The following MACROD2 variants were observed in gnomAD, a reference collection of about 807,000 sequenced individuals.
MACROD2 encodes ADP-ribose glycohydrolase MACROD2.
MACROD2 carries 36 observed loss-of-function variants against 70.4 expected under a neutral mutation model. The ratio of observed to expected loss-of-function variants is 0.51; its 90% CI spans 0.39 to 0.68. The LOEUF (loss-of-function observed/expected upper bound fraction) is 0.68. Among genes scored for constraint, MACROD2 ranks in the 30% least tolerant of loss-of-function variants. MACROD2 has a pLI of 0.00. For synonymous variants in MACROD2, 172 were observed against 178.8 expected (o/e 0.96, Z 0.30); for missense variants, 496 against 538.4 (o/e 0.92, Z 0.78).
intron 7 of MACROD2, among the ~76,000 whole-genome samples, chr20:15,436,225 G>A (rs563324246): frequency 1.9e-4 from 29 of 151,972 alleles, no homozygotes; most frequent in African/African-American, 6.8e-4. Context: ...CTGAGACTCC[G>A]TAATTCACAA....
intron 5 of MACROD2, among the ~76,000 whole-genome samples, chr20:14,806,129 G>T (rs2072635696): frequency 6.6e-6 from 1 of 152,138 alleles, no homozygotes; most frequent in East Asian, 1.9e-4. Context: ...GTACGTCTTT[G>T]GATAAATGTG....
intron 5 of MACROD2, among the ~76,000 whole-genome samples, chr20:14,999,172 T>C (rs2074973744): frequency 6.6e-6 from 1 of 152,172 alleles, no homozygotes; most frequent in African/African-American, 2.4e-5. Context: ...AGGACATTAA[T>C]AAGCAATAGG....
Position 15,431,439 on chromosome 20 carries a change from A to C in MACROD2, c.571+4A>C, listed in dbSNP as rs2046362281. On this transcript the variant is annotated splice_donor_region_variant and intron_variant, in intron 7 of 17. Coordinates refer to ENST00000684519, the MANE Select transcript of MACROD2 (RefSeq NM_001351661.2). ...TGCATCTCAACAGGCATTTATGGTA[A>C]GTGATACAGCTTTTGATGATGTTTG... 6.2e-7 allele frequency: 1 copy of C among 1,610,406 alleles called. No homozygotes were observed. Among genetic ancestry groups the C allele is most frequent in the African/African-American group, 1.3e-5 (1 of 74,802 alleles).
At chr20:15,137,202 T>C (rs1403485016) in intron 5 of MACROD2, among the ~76,000 whole-genome samples, 1 of 150,454 alleles carries the variant, frequency 6.6e-6, no homozygotes, top group Non-Finnish European at 1.5e-5. Flanking sequence ...AGCCATCCCA[T>C]TACTGGGTAT....
At chr20:15,627,013 A>G (rs966853912) in intron 8 of MACROD2, among the ~76,000 whole-genome samples, 5 of 152,198 alleles carry the variant, frequency 3.3e-5, no homozygotes, top group African/African-American at 9.7e-5. Flanking sequence ...AGAAACAAGG[A>G]AACACAGAAT....
chr20:15,520,712 G>A (rs1053077394), intron 8 of MACROD2, among the ~76,000 whole-genome samples: 1 of 152,142 alleles, frequency 6.6e-6, no homozygotes, highest in Non-Finnish European at 1.5e-5. Flanking sequence ...AGAGTCAGAC[G>A]GGCCCCTGAT....
chr20:15,868,570 G>A (rs1005889618), intron 9 of MACROD2, among the ~76,000 whole-genome samples: 86 of 149,554 alleles, frequency 5.8e-4, no homozygotes, highest in Admixed American at 4.9e-3. Flanking sequence ...TATACCTTAA[G>A]CAAGTTTCAT....
At chr20:14,810,362 A>C (rs2072694176) in intron 5 of MACROD2, among the ~76,000 whole-genome samples, 1 of 152,124 alleles carries the variant, frequency 6.6e-6, no homozygotes, top group African/African-American at 2.4e-5. Flanking sequence ...CAATAGATAC[A>C]GGAAAAGCCT....
intron 2 of MACROD2, among the ~76,000 whole-genome samples, chr20:14,014,696 T>G (rs1374620664): frequency 6.6e-6 from 1 of 152,338 alleles, no homozygotes; most frequent in Non-Finnish European, 1.5e-5. Flanking sequence ...CTTTTCTGTG[T>G]TCACTTATCA....
At chr20:15,470,809 C>A (rs567472576) in intron 7 of MACROD2, among the ~76,000 whole-genome samples, 1 of 152,280 alleles carries the variant, frequency 6.6e-6, no homozygotes, top group Admixed American at 6.5e-5. Context: ...CCAGACCTTG[C>A]CTTACCTACA....
chr20:14,969,361 TAC>T (rs3045701), intron 5 of MACROD2, among the ~76,000 whole-genome samples: 28,028 of 137,916 alleles, frequency 0.2, 2,684 homozygotes, highest in Middle Eastern at 0.26. Context: ...TAAATGCTTT[TAC>T]ACACACACAC....
intron 7 of MACROD2, among the ~76,000 whole-genome samples, chr20:15,463,462 C>T (rs911030475): frequency 6.6e-6 from 1 of 152,106 alleles, no homozygotes; most frequent in Non-Finnish European, 1.5e-5. Context: ...TTAAAATATA[C>T]TTTTAGGCCA....
chr20:14,608,802 G>T (rs1004070150), intron 4 of MACROD2, among the ~76,000 whole-genome samples: 1 of 152,148 alleles, frequency 6.6e-6, no homozygotes, highest in Non-Finnish European at 1.5e-5. Flanking sequence ...GGGACTGGAG[G>T]ATAGGTAGGT....
At chr20:14,497,783 A>G (rs1208857865) in intron 4 of MACROD2, among the ~76,000 whole-genome samples, 2 of 151,846 alleles carry the variant, frequency 1.3e-5, no homozygotes, top group Non-Finnish European at 2.9e-5. Context: ...AAATATATAT[A>G]TTTGCATCAA....
intron 5 of MACROD2, among the ~76,000 whole-genome samples, chr20:15,181,738 G>A (rs559312051): frequency 5.3e-5 from 8 of 152,256 alleles, no homozygotes; most frequent in Non-Finnish European, 1.0e-4. Context: ...TCAAGTCTGA[G>A]AAACATTCCT....
chr20:14,574,303 G>A (rs909646066), intron 4 of MACROD2, among the ~76,000 whole-genome samples: 2 of 152,160 alleles, frequency 1.3e-5, no homozygotes, highest in Non-Finnish European at 2.9e-5. Context: ...CATTCAGAGT[G>A]TTACCCAGTC....
chr20:14,464,823 G>A (rs2123028020), intron 3 of MACROD2, among the ~76,000 whole-genome samples: 1 of 152,186 alleles, frequency 6.6e-6, no homozygotes, highest in South Asian at 2.1e-4. Context: ...AGGTTGTTTA[G>A]TTTCCATGTA....
At chr20:14,009,563 T>G (rs1377662160) in intron 2 of MACROD2, among the ~76,000 whole-genome samples, 1 of 152,176 alleles carries the variant, frequency 6.6e-6, no homozygotes, top group Non-Finnish European at 1.5e-5. Flanking sequence ...TGACAATGCC[T>G]TAAAGACATA....
intron 7 of MACROD2, among the ~76,000 whole-genome samples, chr20:15,498,595 G>A (rs2047327712): frequency 6.6e-6 from 1 of 152,166 alleles, no homozygotes; most frequent in Non-Finnish European, 1.5e-5. Flanking sequence ...AGGCAGGGTT[G>A]AAAAATTCAG....
Sources: gnomAD v4.1 joint callset for allele counts (sites outside exome capture counted in the v4.1 genomes callset) on GRCh38, gnomAD v4.1.1 for gene constraint, MANE v1.5 for transcripts, NCBI Gene and HGNC (gene_info 2026-07-23, HGNC 2026-07-21) for gene names.